Variants in BUD13 observed in about 807,000 individuals in gnomAD.
BUD13 encodes the protein BUD13 homolog.
BUD13 carries 47 observed loss-of-function variants against 62.5 expected under a neutral mutation model. That is an observed-to-expected ratio of 0.75 (90% confidence interval 0.60 to 0.96). The LOEUF is 0.96. Among genes scored for constraint, BUD13 ranks in the 40% least tolerant of loss-of-function variants. BUD13 has a pLI of 0.00. For synonymous variants in BUD13, 293 were observed against 280.1 expected, an observed-to-expected ratio of 1.05 and a Z score of -0.46; for missense variants, 821 against 790.9, an observed-to-expected ratio of 1.04 and a Z score of -0.46.
rs1364147366 is a variant in BUD13, at chr11:116,760,750, C to T, written c.1239G>A (p.Gln413=). The change falls in exon 5 of 10, where the codon CAG becomes CAA. Residue 413 remains glutamine, a synonymous_variant. Coordinates refer to ENST00000260210, the MANE Select transcript of BUD13 (RefSeq NM_032725.4). ...AAATCCTGACCTTCTTTCCAGGAGGCTGACTCCTTCGAGGCGGGGACAGGT... is the reference window on the plus strand; with the variant it reads ...AAATCCTGACCTTCTTTCCAGGAGGTTGACTCCTTCGAGGCGGGGACAGGT... ...DSDLSPPRRS[Q]PPGKKAAHMY... 12 of 1,614,056 alleles carry T rather than the reference C, an allele frequency of 7.4e-6. No homozygotes were observed. Among genetic ancestry groups the T allele is most frequent in the Non-Finnish European group, 8.5e-6 (10 of 1,180,018 alleles).
intron 9 of BUD13, among the ~76,000 whole-genome samples, chr11:116,754,616 T>C (rs180324): frequency 0.18 from 27,903 of 152,128 alleles, 2,822 homozygotes; most frequent in Non-Finnish European, 0.22. Context: ...AAAAAACCTA[T>C]ACAGCTACAA....
chr11:116,772,746 T>C (rs966219015), intron 1 of BUD13, 76 bp downstream of exon 1: 2 of 1,423,904 alleles, frequency 1.4e-6, no homozygotes, highest in African/African-American at 1.5e-5. Context: ...GGGAAGGAAC[T>C]GCCGGGCGGC....
At chr11:116,749,357 T>C (rs1419800714) in intron 9 of BUD13, among the ~76,000 whole-genome samples, 1 of 152,176 alleles carries the variant, frequency 6.6e-6, no homozygotes, top group African/African-American at 2.4e-5. Flanking sequence ...TAAACTCTGG[T>C]AGAAATACGC....
In BUD13 at chr11:116,760,760, C is replaced by A. The variant is rs753401362; in HGVS notation, c.1229G>T (p.Arg410Leu). ...KSSDSDLSPP[R>L]RSQPPGKKAA... ...CTTCTTTCCAGGAGGCTGACTCCTT[C>A]GAGGCGGGGACAGGTCAGAATCAGA... is the stretch of plus-strand genomic sequence containing the variant. Residue 410 changes from arginine to leucine, a missense_variant, in exon 5 of 10, where the codon CGA becomes CTA. Coordinates refer to ENST00000260210, the MANE Select transcript of BUD13 (RefSeq NM_032725.4). 1 of 1,613,954 alleles carries A rather than the reference C, an allele frequency of 6.2e-7. No individual in the cohort carries two copies. Among genetic ancestry groups the A allele is most frequent in the Non-Finnish European group, 8.5e-7 (1 of 1,179,970 alleles).
At chr11:116,753,980 G>A (rs773252797) in intron 9 of BUD13, among the ~76,000 whole-genome samples, 1 of 152,158 alleles carries the variant, frequency 6.6e-6, no homozygotes, top group East Asian at 1.9e-4. Context: ...TTCTCTTCAA[G>A]TGCAAAGGAA....
chr11:116,757,596 G>C (rs1248882879), intron 8 of BUD13, among the ~76,000 whole-genome samples, 170 bp downstream of exon 8: 3 of 151,928 alleles, frequency 2.0e-5, no homozygotes, highest in Non-Finnish European at 4.4e-5. Flanking sequence ...CACTGCGCCT[G>C]GCCTGGAAAA....
intron 5 of BUD13, among the ~76,000 whole-genome samples, chr11:116,759,838 G>C (rs1940399742): frequency 6.6e-6 from 1 of 152,138 alleles, no homozygotes. Flanking sequence ...TAAAGAACAG[G>C]CTGGTCTACC....
At chr11:116,759,841 G>A (rs1375754123) in intron 5 of BUD13, among the ~76,000 whole-genome samples, 1 of 152,138 alleles carries the variant, frequency 6.6e-6, no homozygotes, top group African/African-American at 2.4e-5. Flanking sequence ...AGAACAGGCT[G>A]GTCTACCCTG....
chr11:116,772,659 C>T (rs1940651362), intron 1 of BUD13, among the ~76,000 whole-genome samples, 163 bp downstream of exon 1: 1 of 151,486 alleles, frequency 6.6e-6, no homozygotes, highest in South Asian at 2.1e-4. Flanking sequence ...AGAGGCAAGG[C>T]GGGGGGCCTC....
At chr11:116,763,528 G>A (rs1276389656) in intron 3 of BUD13, among the ~76,000 whole-genome samples, 1 of 152,052 alleles carries the variant, frequency 6.6e-6, no homozygotes, top group Middle Eastern at 3.2e-3. Flanking sequence ...AGGTAAGCAG[G>A]GCAGGTACCC....
Position 116,762,727 on chromosome 11 carries a change from C to G in BUD13, c.862G>C (p.Gly288Arg). 9 of 1,614,172 alleles carry G rather than the reference C, an allele frequency of 5.6e-6. No homozygotes were observed. Among genetic ancestry groups the G allele is most frequent in the Non-Finnish European group, 7.6e-6 (9 of 1,180,020 alleles). The change falls in exon 4 of 10, where the codon GGT (glycine) becomes CGT (arginine). Residue 288 changes from glycine (G) to arginine (R), a missense_variant. Coordinates refer to ENST00000260210, the MANE Select transcript of BUD13 (RefSeq NM_032725.4). ...VTYSLPRTKS[G>R]KAPERASSKT... The stretch of plus-strand genomic sequence containing the variant: ...CTAGAGGCTCTTTCTGGGGCTTTAC[C>G]ACTTTTGGTTCTGGGCAGGGAATAA...
intron 1 of BUD13, among the ~76,000 whole-genome samples, chr11:116,770,894 A>G (rs897037853): frequency 1.3e-5 from 2 of 151,990 alleles, no homozygotes; most frequent in South Asian, 4.2e-4. Context: ...CCCGGGGTTA[A>G]GTTATTCTCC....
In BUD13 at chr11:116,757,201, G is replaced by A. The variant is rs1227117791; in HGVS notation, c.1711C>T (p.Pro571Ser). The A allele has an allele frequency of 6.2e-7, 1 of 1,614,170 alleles. No homozygotes were observed. Among genetic ancestry groups the A allele is most frequent in the East Asian group, 2.2e-5 (1 of 44,884 alleles). The change falls in exon 9 of 10, where the codon CCT (proline) becomes TCT (serine). Residue 571 changes from proline to serine, a missense_variant. Pro to Ser is a moderately conservative substitution (Grantham distance 74). Around this residue, in one of 2 missense-constraint regions of BUD13, gnomAD observed 800 missense variants for 739.2 expected, o/e 1.08. Coordinates refer to ENST00000260210, the MANE Select transcript of BUD13 (RefSeq NM_032725.4). ...KVRPRYSGPAPPPNRFNIWPG... is the reference protein window; with the variant it reads ...KVRPRYSGPASPPNRFNIWPG... ...CAGATATTAAATCTGTTGGGAGGAG[G>A]TGCTGGACCACTGTAGCGAGGTCTC...
Position 116,770,215 on chromosome 11 carries a change from T to C in BUD13, c.151A>G (p.Ile51Val), listed in dbSNP as rs992809967. 28 of 1,610,826 alleles carry C rather than the reference T, an allele frequency of 1.7e-5. No individual in the cohort carries two copies. In the East Asian group the frequency reaches 6.3e-4, roughly 36 times the overall value. Residue 51 changes from isoleucine (I) to valine (V), a missense_variant, in exon 2 of 10, where the codon ATT becomes GTT. Physicochemically the swap from Ile to Val is conservative, Grantham distance 29. Transcript: ENST00000260210. ...GTCCAGCTCACATCATCATCCACAA[T>C]CCGCATTCTAAATGAGAATAAGAAG... The part of the protein sequence containing the change: ...PGGAGGKGMR[I>V]VDDDVSWTAI...
Position 116,770,471 on chromosome 11 carries a change from C to G in BUD13, c.144-249G>C, listed in dbSNP as rs545950926. On this transcript the variant is annotated intron_variant, in intron 1 of 9. Coordinates refer to ENST00000260210, the MANE Select transcript of BUD13 (RefSeq NM_032725.4). ...TCACATATGCAGTTCCTTCCCTCTGCCTGATCTACTCTTTTCAATCTTTTT... is the reference window on the plus strand; with the variant it reads ...TCACATATGCAGTTCCTTCCCTCTGGCTGATCTACTCTTTTCAATCTTTTT... Among the ~76,000 whole-genome samples, 304 of 152,148 alleles carry G rather than the reference C, an allele frequency of 2.0e-3. 5 individuals carry two copies. The highest frequency in any genetic ancestry group is 3.4e-3 in the Middle Eastern group (1 of 292).
Position 116,757,868 on chromosome 11 carries a change from C to T in BUD13, c.1582G>A (p.Asp528Asn), listed in dbSNP as rs1286002809. ...MQKPLARYID[D>N]EDLDRMLREQ... ...CTTAGCATCCTATCCAGATCTTCGT[C>T]ATCAATATAGCGGGCCAGAGGCTTT... Residue 528 changes from aspartate to asparagine, a missense_variant, in exon 8 of 10, where the codon GAC becomes AAC. Asp to Asn is a conservative substitution (Grantham distance 23, BLOSUM62 1). Coordinates refer to ENST00000260210, the MANE Select transcript of BUD13 (RefSeq NM_032725.4). 6.2e-7 allele frequency: 1 copy of T among 1,614,204 alleles called. No individual in the cohort carries two copies. The highest frequency in any genetic ancestry group is 8.5e-7 in the Non-Finnish European group (1 of 1,180,050).
rs1282758022 is a variant in BUD13 at position 116,772,961 on chromosome 11, C to A, written c.4G>T (p.Ala2Ser). Residue 2 changes from alanine to serine, a missense_variant, in exon 1 of 10, where the codon GCG (alanine) becomes TCG (serine). Around this residue, in one of 2 missense-constraint regions of BUD13, gnomAD observed 800 missense variants for 739.2 expected, o/e 1.08. Coordinates refer to ENST00000260210, the MANE Select transcript of BUD13 (RefSeq NM_032725.4). Reference sequence around the variant, plus strand: ...GCCTTGGAAAGCGGCGGAGCTGCCGCCATGGCAGCGGCGGGGGCAGAGAGA... The same window carrying A: ...GCCTTGGAAAGCGGCGGAGCTGCCGACATGGCAGCGGCGGGGGCAGAGAGA... M[A>S]AAPPLSKAEY... is the part of the protein sequence containing the mutation. 1 of 1,552,336 alleles carries A rather than the reference C, an allele frequency of 6.4e-7. No individual in the cohort carries two copies. The highest frequency in any genetic ancestry group is 1.4e-5 in the African/African-American group (1 of 71,388).
chr11:116,759,027 A>AAC lies in BUD13; in HGVS notation c.1360+46_1360+47insGT, dbSNP rs778392376. ...GTACAATAAGCTAAATTAAAAAAAA[A>AAC]AAAACAGTATGAGCCTAAATTGGTC... On this transcript the variant is annotated intron_variant, in intron 6 of 9. Transcript: ENST00000260210. The AAC allele has an allele frequency of 2.8e-6, 4 of 1,426,076 alleles. No individual in the cohort carries two copies. The African/African-American group carries it at 5.8e-5, about 21-fold the overall frequency. The allele number at this position is 1,426,076 out of a possible 1,614,324, so 88.3% of individuals were successfully genotyped here. A position where few individuals can be genotyped will look rare whatever the true frequency, so the allele number is the denominator to read the frequency against.
Position 116,760,930 on chromosome 11 carries a change from A to T in BUD13, c.1059T>A (p.Asp353Glu), listed in dbSNP as rs779061716. The change falls in exon 5 of 10, where the codon GAT becomes GAA. Residue 353 changes from aspartate to glutamate, a missense_variant. Coordinates refer to ENST00000260210, the MANE Select transcript of BUD13 (RefSeq NM_032725.4). The part of the protein sequence containing the change: ...DSKGDCQKAT[D>E]SDLSSPRHKQ... ...TATGCCGTGGAGAAGAAAGGTCTGA[A>T]TCAGTTGCTTTCTGGCAGTCACCTG... 1 of 1,614,138 alleles carries T rather than the reference A, an allele frequency of 6.2e-7. No individual in the cohort carries two copies. The highest frequency in any genetic ancestry group is 1.7e-5 in the Admixed American group (1 of 60,022).
Sources: allele counts gnomAD v4.1 joint callset (sites outside exome capture counted in the v4.1 genomes callset), GRCh38; gene constraint gnomAD v4.1.1; regional missense constraint gnomAD v4.1.1; transcripts MANE v1.5; gene names NCBI Gene and HGNC (gene_info 2026-07-23, HGNC 2026-07-21).